The following MGAT4C variants were observed in gnomAD, a reference collection of about 807,000 sequenced individuals.
MGAT4C encodes alpha-1,3-mannosyl-glycoprotein 4-beta-N-acetylglucosaminyltransferase C.
Under a neutral mutation model 40.1 loss-of-function variants are expected in MGAT4C, and 19 were observed. The ratio of observed to expected loss-of-function variants is 0.47; its 90% CI spans 0.33 to 0.70. The LOEUF (loss-of-function observed/expected upper bound fraction) is 0.70. MGAT4C is among the 30% of genes least tolerant of loss of function. MGAT4C has a pLI of 0.02. For synonymous variants in MGAT4C, 181 were observed against 187.1 expected, an observed-to-expected ratio of 0.97 and a Z score of 0.27; for missense variants, 491 against 563.2, an observed-to-expected ratio of 0.87 and a Z score of 1.30.
At chr12:86,483,336 G>C (rs556359791) in intron 2 of MGAT4C, among the ~76,000 whole-genome samples, 177 of 152,090 alleles carry the variant, frequency 1.2e-3, no homozygotes, top group African/African-American at 3.9e-3. Context: ...TGAGTGAGCA[G>C]GAACAAAAAC....
intron 1 of MGAT4C, among the ~76,000 whole-genome samples, chr12:86,083,447 G>A (rs1464048305): frequency 1.3e-5 from 2 of 151,988 alleles, no homozygotes; most frequent in Non-Finnish European, 2.9e-5. Context: ...TGTCCGCAGG[G>A]TTCTGTATGA....
intron 2 of MGAT4C, among the ~76,000 whole-genome samples, chr12:86,703,049 C>A (rs1950391177): frequency 6.6e-6 from 1 of 152,028 alleles, no homozygotes; most frequent in African/African-American, 2.4e-5. Flanking sequence ...TTCAAGTCGG[C>A]AGTGGAGGAA....
chr12:86,610,360 T>G (rs753224656), intron 2 of MGAT4C, among the ~76,000 whole-genome samples: 1 of 152,100 alleles, frequency 6.6e-6, no homozygotes, highest in African/African-American at 2.4e-5. Context: ...CTACAAGAGA[T>G]GCGTAGTCAA....
At chr12:86,459,278 G>C (rs1310889832) in intron 2 of MGAT4C, among the ~76,000 whole-genome samples, 1 of 152,074 alleles carries the variant, frequency 6.6e-6, no homozygotes, top group East Asian at 1.9e-4. Flanking sequence ...CTTATCTTGA[G>C]TGTGGGCAGA....
intron 2 of MGAT4C, among the ~76,000 whole-genome samples, chr12:86,699,316 C>T (rs527356385): frequency 1.3e-5 from 2 of 152,274 alleles, no homozygotes; most frequent in African/African-American, 2.4e-5. Flanking sequence ...AGCACTTAGA[C>T]TCTTTCTGCT....
At chr12:86,538,884 G>C (rs1316196882) in intron 2 of MGAT4C, among the ~76,000 whole-genome samples, 1 of 152,078 alleles carries the variant, frequency 6.6e-6, no homozygotes, top group Non-Finnish European at 1.5e-5. Context: ...TGGGATTACA[G>C]GCATGAGCCA....
chr12:86,762,658 C>A (rs1382024997), intron 1 of MGAT4C, among the ~76,000 whole-genome samples: 2 of 152,150 alleles, frequency 1.3e-5, no homozygotes, highest in African/African-American at 4.8e-5. Context: ...TGAATATTTT[C>A]ATTACATGTT....
intron 1 of MGAT4C, among the ~76,000 whole-genome samples, chr12:86,159,560 C>T (rs1238573489): frequency 6.6e-6 from 1 of 151,794 alleles, no homozygotes; most frequent in Non-Finnish European, 1.5e-5. Context: ...GAGAGGAGCC[C>T]CTCCTCCTCA....
intron 1 of MGAT4C, among the ~76,000 whole-genome samples, chr12:86,166,695 G>A (rs997390863): frequency 2.6e-5 from 4 of 152,060 alleles, no homozygotes; most frequent in African/African-American, 9.7e-5. Context: ...AATAACTATG[G>A]TTAGACATTT....
At chr12:86,061,982 T>G (rs1026748360) in intron 1 of MGAT4C, among the ~76,000 whole-genome samples, 3 of 152,164 alleles carry the variant, frequency 2.0e-5, no homozygotes, top group Non-Finnish European at 2.9e-5. Flanking sequence ...CTGACAGCTC[T>G]GAAGAGAGCA....
At chr12:86,690,028 T>A (rs913280108) in intron 2 of MGAT4C, among the ~76,000 whole-genome samples, 6 of 152,180 alleles carry the variant, frequency 3.9e-5, no homozygotes, top group African/African-American at 1.2e-4. Flanking sequence ...AAGAGGACTC[T>A]AGAGAGGCAG....
At chr12:86,491,598 C>A (rs1392831403) in intron 2 of MGAT4C, among the ~76,000 whole-genome samples, 1 of 151,960 alleles carries the variant, frequency 6.6e-6, no homozygotes, top group African/African-American at 2.4e-5. Flanking sequence ...TTCAACAACG[C>A]TTCATGCTAA....
intron 1 of MGAT4C, among the ~76,000 whole-genome samples, chr12:86,216,276 A>C (rs1244620024): frequency 6.6e-6 from 1 of 152,222 alleles, no homozygotes; most frequent in Non-Finnish European, 1.5e-5. Context: ...CAGAAACACC[A>C]AGAAAGTAAT....
intron 1 of MGAT4C, among the ~76,000 whole-genome samples, chr12:86,240,844 A>C (rs906883345): frequency 6.6e-6 from 1 of 152,142 alleles, no homozygotes; most frequent in Non-Finnish European, 1.5e-5. Context: ...TTGCCTGTTG[A>C]AATGTTTGCC....
chr12:86,068,068 T>C (rs1400672722), intron 1 of MGAT4C: 2 of 152,198 alleles, frequency 1.3e-5, no homozygotes, highest in East Asian at 1.9e-4. Flanking sequence ...AAATTTGACA[T>C]CCACTTCAGT....
intron 1 of MGAT4C, among the ~76,000 whole-genome samples, chr12:86,137,886 A>T (rs1011627611): frequency 4.6e-5 from 7 of 152,200 alleles, no homozygotes; most frequent in Non-Finnish European, 8.8e-5. Context: ...CTATGAGAGT[A>T]TAAAAGTTCA....
chr12:86,612,625 C>T (rs1962322628), intron 2 of MGAT4C, among the ~76,000 whole-genome samples: 1 of 150,996 alleles, frequency 6.6e-6, no homozygotes, highest in African/African-American at 2.4e-5. Context: ...TCTGTAGTAC[C>T]AGCTCTCAGG....
chr12:86,554,457 TG>T (rs1467547364), intron 2 of MGAT4C, among the ~76,000 whole-genome samples: 1 of 152,124 alleles, frequency 6.6e-6, no homozygotes, highest in Non-Finnish European at 1.5e-5. Context: ...TGCCCAGCTT[TG>T]CTGCTTTTCA....
At chr12:86,335,693 A>T (rs1954770283) in intron 3 of MGAT4C, among the ~76,000 whole-genome samples, 1 of 152,168 alleles carries the variant, frequency 6.6e-6, no homozygotes, top group South Asian at 2.1e-4. Context: ...TAAAGCCCAC[A>T]TCTTGTTCCA....
Sources: allele counts gnomAD v4.1 joint callset (sites outside exome capture counted in the v4.1 genomes callset), GRCh38; gene constraint gnomAD v4.1.1; transcripts MANE v1.5; gene names NCBI Gene and HGNC (gene_info 2026-07-23, HGNC 2026-07-21).